The following PMPCB variants were observed in gnomAD, a reference collection of about 807,000 sequenced individuals.
The protein encoded by PMPCB is mitochondrial-processing peptidase subunit beta.
In PMPCB, 46 loss-of-function variants were observed where a neutral mutation model predicts 61.5. The observed-to-expected ratio is 0.75, with a 90% confidence interval of 0.59 to 0.96. PMPCB has a LOEUF of 0.96. Among genes scored for constraint, PMPCB ranks in the 40% least tolerant of loss-of-function variants. The pLI is 0.00. For synonymous variants in PMPCB, 191 were observed against 201.6 expected, an observed-to-expected ratio of 0.95 and a Z score of 0.44; for missense variants, 590 against 602.4, an observed-to-expected ratio of 0.98 and a Z score of 0.22.
chr7:103,320,303 T>C (rs1818314306), intron 12 of PMPCB, among the ~76,000 whole-genome samples: 1 of 151,860 alleles, frequency 6.6e-6, no homozygotes, highest in African/African-American at 2.4e-5. Flanking sequence ...TTGGCCAGGC[T>C]GGTCTTGAAC....
At chr7:103,345,604 A>G in the PMPCB span, among the ~76,000 whole-genome samples, 3 of 149,836 alleles carry the variant, frequency 2.0e-5, no homozygotes. Context: ...GTTTTTAAAT[A>G]TATTATATAT....
the PMPCB span, chr7:103,337,382 A>C: frequency 3.0e-5 from 5 of 168,544 alleles, no homozygotes; most frequent in Non-Finnish European, 1.3e-5. Flanking sequence ...AAAAAAACCA[A>C]AAACCAAAAA....
chr7:103,331,692 C>T (rs1341770702), downstream of PMPCB, among the ~76,000 whole-genome samples: 1 of 152,150 alleles, frequency 6.6e-6, no homozygotes, highest in Non-Finnish European at 1.5e-5. Flanking sequence ...ACGTTTCATT[C>T]TTTTTTATGG....
the PMPCB span, among the ~76,000 whole-genome samples, chr7:103,347,252 A>C: frequency 2.6e-4 from 40 of 152,282 alleles, no homozygotes; most frequent in Non-Finnish European, 4.3e-4. Flanking sequence ...CTTAATAGGT[A>C]TGTGGTGGCA....
chr7:103,300,347 T>G (rs991848541), intron 4 of PMPCB, 40 bp downstream of exon 4: 2 of 1,489,430 alleles, frequency 1.3e-6, no homozygotes, highest in Non-Finnish European at 1.8e-6. Flanking sequence ...GTAATTTTCA[T>G]GAGAATCAGG....
Position 103,327,778 on chromosome 7 carries a change from T to C in PMPCB, c.*1432-1153T>C, listed in dbSNP as rs749980939. On this transcript the variant is annotated intron_variant and NMD_transcript_variant, in intron 12 of 12. Transcript: ENST00000444457. ...ATCTACAAAACCAGTCAGATTGAGATAATTTGTCACTTTAAGCACCAAAAA... is the reference window on the plus strand; with the variant it reads ...ATCTACAAAACCAGTCAGATTGAGACAATTTGTCACTTTAAGCACCAAAAA... 5 of 1,540,400 alleles carry C rather than the reference T, an allele frequency of 3.2e-6. No individual in the cohort carries two copies. The South Asian group carries it at 4.6e-5, about 14-fold the overall frequency.
In PMPCB at chr7:103,312,301, A is replaced by G. The variant is rs201849335; in HGVS notation, c.*30A>G. ...CTCCTAATCAAGATTGTTTGAACAC[A>G]TGTATTTATAAAACAGAGCTAGAGA... is the stretch of plus-strand genomic sequence containing the variant. On this transcript the variant is annotated 3_prime_UTR_variant, in exon 13 of 13. Coordinates refer to ENST00000249269, the MANE Select transcript of PMPCB (RefSeq NM_004279.3). 1.9e-6 allele frequency: 3 copies of G among 1,605,670 alleles called. No individual in the cohort carries two copies. Among genetic ancestry groups the G allele is most frequent in the Admixed American group, 3.3e-5 (2 of 59,890 alleles).
At chr7:103,326,842 C>T (rs1239167269) in intron 12 of PMPCB, among the ~76,000 whole-genome samples, 1 of 152,174 alleles carries the variant, frequency 6.6e-6, no homozygotes, top group Non-Finnish European at 1.5e-5. Context: ...GTAACAACAG[C>T]TTTAGCACTA....
downstream of PMPCB, chr7:103,316,706 T>C (rs1818077927): frequency 4.9e-6 from 4 of 812,178 alleles, no homozygotes; most frequent in African/African-American, 5.2e-5. Flanking sequence ...TTCACACTTT[T>C]CTGCTGTGGC....
chr7:103,341,153 C>G, the PMPCB span, among the ~76,000 whole-genome samples: 1 of 152,204 alleles, frequency 6.6e-6, no homozygotes, highest in Admixed American at 6.5e-5. Context: ...ACAGGTCTGC[C>G]TTAGTGCACT....
intron 12 of PMPCB, among the ~76,000 whole-genome samples, chr7:103,328,679 A>G (rs1257362492): frequency 2.0e-5 from 3 of 152,078 alleles, no homozygotes; most frequent in Admixed American, 1.3e-4. Flanking sequence ...GTATGTACTA[A>G]TTTATATTCT....
At position 103,314,586 on chromosome 7, in the gene PMPCB, CA is replaced by C. The variant is rs1938244180; in HGVS notation, c.*2316del. On this transcript the variant is annotated 3_prime_UTR_variant, in exon 13 of 13. Coordinates refer to ENST00000249269, the MANE Select transcript of PMPCB (RefSeq NM_004279.3). Reference sequence around the variant, plus strand: ...GTTGTATTTTGTGGAGATAAAGGTGCAGGAGAATAAACTCCTTTATAAAGAA... The same window carrying C: ...GTTGTATTTTGTGGAGATAAAGGTGCGGAGAATAAACTCCTTTATAAAGAA... The C allele has an allele frequency of 2.0e-6, 2 of 984,892 alleles. No homozygotes were observed. Among genetic ancestry groups the C allele is most frequent in the Non-Finnish European group, 2.4e-6 (2 of 829,622 alleles). 61.0% of individuals were successfully genotyped at this position (984,892 alleles called of 1,614,324 possible).
downstream of PMPCB, among the ~76,000 whole-genome samples, chr7:103,332,642 A>G (rs541946240): frequency 3.7e-3 from 536 of 145,446 alleles, 4 homozygotes; most frequent in African/African-American, 0.013. Flanking sequence ...TTTGCGGGGG[A>G]GGGGATGGGG....
intron 6 of PMPCB, among the ~76,000 whole-genome samples, chr7:103,304,864 TAGG>T (rs1014717424): frequency 1.3e-5 from 2 of 151,196 alleles, no homozygotes; most frequent in African/African-American, 4.9e-5. Flanking sequence ...GAGGCTGAGG[TAGG>T]AGAATTGCTT....
intron 4 of PMPCB, among the ~76,000 whole-genome samples, chr7:103,301,978 T>C (rs1481294374): frequency 6.6e-6 from 1 of 152,024 alleles, no homozygotes; most frequent in Non-Finnish European, 1.5e-5. Context: ...CAGGCTCCGG[T>C]GTGTGATGTT....
At chr7:103,339,149 T>C in the PMPCB span, among the ~76,000 whole-genome samples, 1 of 152,252 alleles carries the variant, frequency 6.6e-6, no homozygotes, top group African/African-American at 2.4e-5. Flanking sequence ...ATGGAACTTA[T>C]GGCTACATGT....
intron 12 of PMPCB, chr7:103,326,492 C>T (rs1467766456): frequency 1.3e-6 from 2 of 1,590,950 alleles, no homozygotes; most frequent in Non-Finnish European, 1.7e-6. Flanking sequence ...TGGAAGACTA[C>T]AATAAACAAG....
At position 103,310,446 on chromosome 7, in the gene PMPCB, A is replaced by G; in HGVS notation, c.1125A>G (p.Ala375=). ...TGGTTTGTGAATCATCCACTGTTGC[A>G]GACATGCTACATGTTGTTCAAAAAG... is the stretch of plus-strand genomic sequence containing the variant. ...LYMVCESSTV[A]DMLHVVQKEW... The change falls in exon 9 of 13, where the codon GCA becomes GCG. Residue 375 remains alanine (A), a synonymous_variant. Transcript: ENST00000249269. 4 of 1,612,330 alleles carry G rather than the reference A, an allele frequency of 2.5e-6. No homozygotes were observed. The highest frequency in any genetic ancestry group is 3.4e-6 in the Non-Finnish European group (4 of 1,179,406).
intron 7 of PMPCB, 127 bp downstream of exon 7, chr7:103,307,835 G>A (rs1331328105): frequency 3.3e-6 from 2 of 613,936 alleles, no homozygotes; most frequent in Non-Finnish European, 5.8e-6. Context: ...GGAAGAGGAT[G>A]TACTCATTTG....
Sources: gnomAD v4.1 joint callset for allele counts (sites outside exome capture counted in the v4.1 genomes callset) on GRCh38, gnomAD v4.1.1 for gene constraint, MANE v1.5 for transcripts, NCBI Gene and HGNC (gene_info 2026-07-23, HGNC 2026-07-21) for gene names.